Variants in DOCK1 observed in about 807,000 individuals in gnomAD.
DOCK1 encodes the protein dedicator of cytokinesis protein 1.
In DOCK1, 138 loss-of-function variants were observed where a neutral mutation model predicts 262.7. The ratio of observed to expected loss-of-function variants is 0.53; its 90% CI spans 0.46 to 0.61. The LOEUF is 0.61. Ranked by LOEUF, DOCK1 falls within the 20% of genes least tolerant of loss-of-function variation. The pLI is 0.00. For synonymous variants in DOCK1, 866 were observed against 867.4 expected, an observed-to-expected ratio of 1.00 and a Z score of 0.03; for missense variants, 1,908 against 2,370.7, an observed-to-expected ratio of 0.80 and a Z score of 4.05.
At chr10:127,439,293 G>A (rs2069913911) in intron 49 of DOCK1, 68 bp downstream of exon 49, 3 of 1,499,952 alleles carry the variant, frequency 2.0e-6, no homozygotes, top group African/African-American at 1.4e-5. Context: ...CCCACCTGTA[G>A]CCAACAGGGC....
At chr10:127,216,811 T>G (rs1167170685) in intron 27 of DOCK1, among the ~76,000 whole-genome samples, 1 of 152,228 alleles carries the variant, frequency 6.6e-6, no homozygotes, top group Middle Eastern at 3.2e-3. Context: ...AATTGCTGAT[T>G]TAATAAACTT....
chr10:127,253,750 C>T (rs994923648), intron 28 of DOCK1, among the ~76,000 whole-genome samples: 1 of 151,558 alleles, frequency 6.6e-6, no homozygotes, highest in African/African-American at 2.4e-5. Flanking sequence ...TAGCTTATGC[C>T]TGTAGTCTCA....
intron 27 of DOCK1, among the ~76,000 whole-genome samples, chr10:127,147,325 G>T (rs1057146322): frequency 6.6e-6 from 1 of 152,140 alleles, no homozygotes; most frequent in Non-Finnish European, 1.5e-5. Flanking sequence ...CCTGCCAGTT[G>T]TTCCTAACGC....
At position 127,159,717 on chromosome 10, in the gene DOCK1, G is replaced by A. The variant is rs1408726101; in HGVS notation, c.2847+31953G>A. Among the ~76,000 whole-genome samples, 4 of 152,198 alleles carry A rather than the reference G, an allele frequency of 2.6e-5. No individual in the cohort carries two copies. In the East Asian group the frequency reaches 7.7e-4, roughly 29 times the overall value. ...GACCGTTGGCAAAAGAGGGCATCAC[G>A]GGTAGACATTTGAAAAGAAACAAAG... On this transcript the variant is annotated intron_variant, in intron 27 of 51. Coordinates refer to ENST00000623213, the MANE Select transcript of DOCK1 (RefSeq NM_001290223.2).
At chr10:127,245,509 A>G (rs1033955209) in intron 27 of DOCK1, among the ~76,000 whole-genome samples, 1 of 152,100 alleles carries the variant, frequency 6.6e-6, no homozygotes, top group Non-Finnish European at 1.5e-5. Flanking sequence ...TTCCAGAGAG[A>G]CTTCCCCACG....
At chr10:127,434,602 C>G (rs1318235148) in intron 48 of DOCK1, among the ~76,000 whole-genome samples, 3 of 152,088 alleles carry the variant, frequency 2.0e-5, no homozygotes, top group Non-Finnish European at 4.4e-5. Flanking sequence ...ATTGATTAAA[C>G]ACTAACTTTG....
chr10:127,004,779 CG>C (rs879611846), intron 10 of DOCK1, among the ~76,000 whole-genome samples: 13,121 of 106,440 alleles, frequency 0.12, 1,727 homozygotes, highest in East Asian at 0.22. Context: ...GCCACCCCCC[CG>C]CCCCAAAAAA....
intron 10 of DOCK1, among the ~76,000 whole-genome samples, chr10:127,004,119 T>G (rs2040809811): frequency 6.6e-6 from 1 of 151,888 alleles, no homozygotes; most frequent in Non-Finnish European, 1.5e-5. Context: ...TTGGGCGTGG[T>G]GCTGTGTGCC....
chr10:127,026,576 C>G (rs981979565), intron 16 of DOCK1, 152 bp downstream of exon 16: 1 of 738,996 alleles, frequency 1.4e-6, no homozygotes, highest in African/African-American at 1.8e-5. Context: ...ACATTCTTCT[C>G]TCTTTTCCTT....
chr10:127,295,495 G>T (rs561505784), intron 29 of DOCK1, among the ~76,000 whole-genome samples: 1 of 151,980 alleles, frequency 6.6e-6, no homozygotes, highest in Admixed American at 6.6e-5. Flanking sequence ...GGGACAAAAC[G>T]TCCAAACCAT....
intron 1 of DOCK1, among the ~76,000 whole-genome samples, chr10:126,938,165 G>GAAC (rs2034686522): frequency 6.6e-6 from 1 of 151,834 alleles, no homozygotes; most frequent in Non-Finnish European, 1.5e-5. Flanking sequence ...TCCTGCCTCA[G>GAAC]CCTCCTGAGT....
intron 19 of DOCK1, 53 bp downstream of exon 19, chr10:127,037,869 A>C: frequency 8.6e-7 from 1 of 1,164,264 alleles, no homozygotes; most frequent in Non-Finnish European, 1.2e-6. Context: ...TTTTTTTTTA[A>C]TGTATGTTAA....
chr10:127,108,677 A>G (rs1186274572), intron 24 of DOCK1, among the ~76,000 whole-genome samples: 1 of 152,222 alleles, frequency 6.6e-6, no homozygotes, highest in Non-Finnish European at 1.5e-5. Flanking sequence ...CATCTTCTGC[A>G]TCATCATTGT....
chr10:127,281,242 A>G (rs2060952681), intron 29 of DOCK1, among the ~76,000 whole-genome samples: 2 of 152,230 alleles, frequency 1.3e-5, no homozygotes, highest in Admixed American at 6.5e-5. Flanking sequence ...TGCCAAAATC[A>G]TAATTGGTAG....
At position 127,412,296 on chromosome 10, in the gene DOCK1, T is replaced by C. The variant is rs564976393; in HGVS notation, c.4428+1372T>C. 5.9e-5 allele frequency among the ~76,000 whole-genome samples: 9 copies of C among 152,314 alleles called. No individual in the cohort carries two copies. In the South Asian group the frequency reaches 1.9e-3, roughly 32 times the overall value. ...TTTAAAAATTCTACATACAAACTGC[T>C]TTCATGGATTCATTTGTATTTTTAT... On this transcript the variant is annotated intron_variant, in intron 43 of 51. Transcript: ENST00000623213.
intron 27 of DOCK1, chr10:127,153,969 C>A: frequency 1.4e-6 from 2 of 1,432,976 alleles, no homozygotes; most frequent in South Asian, 2.3e-5. Flanking sequence ...GGCTGGGGGT[C>A]ACTGGCTTTA....
intron 29 of DOCK1, among the ~76,000 whole-genome samples, chr10:127,288,591 G>A (rs1177583096): frequency 6.6e-6 from 1 of 151,924 alleles, no homozygotes; most frequent in Non-Finnish European, 1.5e-5. Context: ...TTAGGATTAT[G>A]GAGATTTTAG....
intron 27 of DOCK1, among the ~76,000 whole-genome samples, chr10:127,242,167 G>A (rs1050583341): frequency 2.0e-5 from 3 of 152,170 alleles, no homozygotes; most frequent in African/African-American, 7.2e-5. Context: ...GGCTTGTGCA[G>A]TTTTAATATG....
At chr10:126,944,733 G>A (rs1451143118) in intron 1 of DOCK1, among the ~76,000 whole-genome samples, 2 of 151,940 alleles carry the variant, frequency 1.3e-5, no homozygotes, top group African/African-American at 4.8e-5. Flanking sequence ...GGGCAATGTC[G>A]CCACAGAGAC....
Sources: allele counts gnomAD v4.1 joint callset (sites outside exome capture counted in the v4.1 genomes callset), GRCh38; gene constraint gnomAD v4.1.1; transcripts MANE v1.5; gene names NCBI Gene and HGNC (gene_info 2026-07-23, HGNC 2026-07-21).